The following QTMAN variants were observed in gnomAD, a reference collection of about 807,000 sequenced individuals.
QTMAN encodes the protein queuosine-tRNA mannosyltransferase, also known as tRNA-queuosine alpha-mannosyltransferase.
the QTMAN span, among the ~76,000 whole-genome samples, chr2:144,324,662 T>C: frequency 6.6e-6 from 1 of 152,194 alleles, no homozygotes; most frequent in Non-Finnish European, 1.5e-5. Flanking sequence ...CTTGCTGATA[T>C]CATACCCACC....
the QTMAN span, among the ~76,000 whole-genome samples, chr2:144,278,150 G>T: frequency 2.6e-5 from 4 of 152,194 alleles, no homozygotes; most frequent in African/African-American, 7.2e-5. Context: ...ACTGGCTGCA[G>T]CTCACTTAGT....
At chr2:144,257,080 A>G in the QTMAN span, among the ~76,000 whole-genome samples, 1 of 128,614 alleles carries the variant, frequency 7.8e-6, no homozygotes, top group Non-Finnish European at 1.7e-5. Context: ...TACTCCAGAA[A>G]CAAACTGAAA....
chr2:144,241,914 T>A, the QTMAN span, among the ~76,000 whole-genome samples: 6 of 151,788 alleles, frequency 4.0e-5, no homozygotes, highest in African/African-American at 7.3e-5. Flanking sequence ...TGGAGATAGA[T>A]CCATTTTGCA....
At chr2:144,283,851 G>GT in the QTMAN span, among the ~76,000 whole-genome samples, 2 of 151,932 alleles carry the variant, frequency 1.3e-5, no homozygotes, top group Non-Finnish European at 2.9e-5. Flanking sequence ...TGTGACTCTA[G>GT]TATGTCTTTC....
chr2:144,056,646 C>T, the QTMAN span, among the ~76,000 whole-genome samples: 1 of 152,210 alleles, frequency 6.6e-6, no homozygotes, highest in African/African-American at 2.4e-5. Context: ...AATAGTCATA[C>T]TCAATCTTCA....
the QTMAN span, among the ~76,000 whole-genome samples, chr2:144,177,975 C>T: frequency 6.6e-6 from 1 of 152,134 alleles, no homozygotes; most frequent in Non-Finnish European, 1.5e-5. Flanking sequence ...AGCCCCATTT[C>T]AAGTGTGCCC....
chr2:144,079,979 G>A, the QTMAN span, among the ~76,000 whole-genome samples: 13 of 151,952 alleles, frequency 8.6e-5, no homozygotes, highest in Non-Finnish European at 1.3e-4. Flanking sequence ...TGCTTCAATT[G>A]TGCATCACTC....
the QTMAN span, among the ~76,000 whole-genome samples, chr2:143,990,138 T>TA: frequency 1.9e-3 from 269 of 144,466 alleles, no homozygotes; most frequent in African/African-American, 4.9e-3. Flanking sequence ...GGTAATTCCT[T>TA]AAAAAAAAAA....
the QTMAN span, among the ~76,000 whole-genome samples, chr2:144,008,118 C>T: frequency 1.5e-3 from 227 of 152,084 alleles, 10 homozygotes; most frequent in South Asian, 0.044. Flanking sequence ...TGTTACTTAT[C>T]GATAGAGAAT....
At chr2:144,009,953 A>C in the QTMAN span, among the ~76,000 whole-genome samples, 1 of 152,042 alleles carries the variant, frequency 6.6e-6, no homozygotes, top group Non-Finnish European at 1.5e-5. Context: ...ATATCTGGAG[A>C]ACAATAAAGC....
chr2:144,182,441 G>C, the QTMAN span, among the ~76,000 whole-genome samples: 1 of 151,672 alleles, frequency 6.6e-6, no homozygotes, highest in East Asian at 2.0e-4. Flanking sequence ...AAGAGTACAA[G>C]ACCAGCCTGG....
chr2:144,031,976 G>A, the QTMAN span, among the ~76,000 whole-genome samples: 4 of 152,062 alleles, frequency 2.6e-5, no homozygotes, highest in Admixed American at 2.0e-4. Flanking sequence ...GTGGCGACGG[G>A]GTTTCATCAC....
chr2:144,112,014 A>G, the QTMAN span, among the ~76,000 whole-genome samples: 1 of 152,198 alleles, frequency 6.6e-6, no homozygotes. Context: ...AAAGCTTACT[A>G]TTTGTCAATT....
At chr2:143,992,398 G>A in the QTMAN span, among the ~76,000 whole-genome samples, 5 of 145,622 alleles carry the variant, frequency 3.4e-5, no homozygotes, top group South Asian at 4.5e-4. Flanking sequence ...CAAACACTGC[G>A]GAAGGCCTCA....
At chr2:144,220,725 C>T in the QTMAN span, among the ~76,000 whole-genome samples, 1 of 152,182 alleles carries the variant, frequency 6.6e-6, no homozygotes, top group Non-Finnish European at 1.5e-5. Flanking sequence ...ATTAGTCTGT[C>T]TACTGGATTA....
chr2:144,074,882 G>A, the QTMAN span, among the ~76,000 whole-genome samples: 2 of 152,098 alleles, frequency 1.3e-5, no homozygotes, highest in South Asian at 2.1e-4. Context: ...TAAAAAAGAC[G>A]TTTAACTCTC....
the QTMAN span, among the ~76,000 whole-genome samples, chr2:144,270,999 A>C: frequency 6.6e-6 from 1 of 152,196 alleles, no homozygotes; most frequent in Non-Finnish European, 1.5e-5. Flanking sequence ...CACTTTCTCT[A>C]AGTAAAGATT....
chr2:144,223,517 T>C, the QTMAN span, among the ~76,000 whole-genome samples: 1 of 152,142 alleles, frequency 6.6e-6, no homozygotes, highest in South Asian at 2.1e-4. Flanking sequence ...ACTCTGACCT[T>C]CTAGAAAACT....
chr2:144,222,781 C>A, the QTMAN span, among the ~76,000 whole-genome samples: 2 of 152,034 alleles, frequency 1.3e-5, no homozygotes, highest in African/African-American at 4.8e-5. Flanking sequence ...GCATTCCAGC[C>A]TAGGCGACAG....
Sources: allele counts gnomAD v4.1 joint callset (sites outside exome capture counted in the v4.1 genomes callset), GRCh38; gene constraint gnomAD v4.1.1; transcripts MANE v1.5; gene names NCBI Gene and HGNC (gene_info 2026-07-23, HGNC 2026-07-21).